Variants in CTNNA3 observed in about 807,000 individuals in gnomAD.
The protein encoded by CTNNA3 is catenin alpha 3.
In CTNNA3, 76 loss-of-function variants were observed where a neutral mutation model predicts 95.7. The ratio of observed to expected loss-of-function variants is 0.79; its 90% CI spans 0.66 to 0.96. CTNNA3 has a LOEUF of 0.96. Among genes scored for constraint, CTNNA3 ranks in the 40% least tolerant of loss-of-function variants. The pLI is 0.00. For missense variants in CTNNA3, 1,191 were observed against 1,089.8 expected, an observed-to-expected ratio of 1.09 and a Z score of -1.31; for synonymous variants, 431 against 374.4, an observed-to-expected ratio of 1.15 and a Z score of -1.74.
chr10:66,572,463 CTA>C (rs1183445441), intron 10 of CTNNA3, among the ~76,000 whole-genome samples: 1 of 151,492 alleles, frequency 6.6e-6, no homozygotes, highest in East Asian at 1.9e-4. Context: ...AACTATATGT[CTA>C]TCTCTACATC....
chr10:66,676,467 C>T (rs895600605), intron 9 of CTNNA3, among the ~76,000 whole-genome samples: 1 of 152,016 alleles, frequency 6.6e-6, no homozygotes, highest in African/African-American at 2.4e-5. Context: ...GGGAAAGCAT[C>T]AATCACGCAT....
intron 5 of CTNNA3, among the ~76,000 whole-genome samples, chr10:67,448,591 G>A (rs575020121): frequency 3.3e-5 from 5 of 151,654 alleles, no homozygotes; most frequent in South Asian, 2.1e-4. Context: ...TTTAATAAAC[G>A]CTTTTGGGAT....
intron 5 of CTNNA3, among the ~76,000 whole-genome samples, chr10:67,249,228 T>C (rs549167933): frequency 4.6e-5 from 7 of 152,182 alleles, no homozygotes; most frequent in African/African-American, 1.4e-4. Flanking sequence ...TAAAGAGCTA[T>C]AAAAACTCAA....
At chr10:67,475,292 A>C (rs545675513) in intron 5 of CTNNA3, among the ~76,000 whole-genome samples, 1 of 152,348 alleles carries the variant, frequency 6.6e-6, no homozygotes, top group Non-Finnish European at 1.5e-5. Flanking sequence ...AAGGGACAGA[A>C]GTGAATTTTG....
intron 15 of CTNNA3, among the ~76,000 whole-genome samples, chr10:66,045,061 T>G (rs1326418705): frequency 6.6e-6 from 1 of 152,202 alleles, no homozygotes; most frequent in Non-Finnish European, 1.5e-5. Flanking sequence ...CTCTGGCATT[T>G]TCCACTATGC....
chr10:67,010,806 G>T (rs994415306), intron 7 of CTNNA3, among the ~76,000 whole-genome samples: 4 of 152,272 alleles, frequency 2.6e-5, no homozygotes, highest in Middle Eastern at 3.4e-3. Context: ...ATCCATATTT[G>T]TATGCCCAGT....
At chr10:67,742,983 CG>C (rs1841351190) in intron 1 of CTNNA3, among the ~76,000 whole-genome samples, 1 of 151,200 alleles carries the variant, frequency 6.6e-6, no homozygotes. Flanking sequence ...AGACCAATAA[CG>C]GGGTCTGAAA....
intron 5 of CTNNA3, among the ~76,000 whole-genome samples, chr10:67,313,823 AAAC>A (rs1207688954): frequency 3.3e-5 from 5 of 152,226 alleles, no homozygotes; most frequent in South Asian, 2.1e-4. Flanking sequence ...GGCTTTGCTT[AAAC>A]AACAAGGTCA....
chr10:66,379,302 G>A lies in CTNNA3; in HGVS notation c.1582C>T (p.Gln528Ter), dbSNP rs760926013. 1.9e-6 allele frequency: 3 copies of A among 1,614,040 alleles called. No homozygotes were observed. Among genetic ancestry groups the A allele is most frequent in the East Asian group, 2.2e-5 (1 of 44,854 alleles). Residue 528 changes from glutamine to a stop codon, truncating the protein, a stop_gained, in exon 12 of 18, where the codon CAG becomes TAG. Transcript: ENST00000433211. LOFTEE classifies it high-confidence loss of function. ...VNKCIIALRDQDADNLDRAAG... is the reference protein window; with the variant it reads ...VNKCIIALRD ...GCACGGTCTAAATTATCAGCATCCT[G>A]GTCTCTTAAGGCTATGATACACTTG...
intron 17 of CTNNA3, among the ~76,000 whole-genome samples, chr10:65,922,910 C>T (rs2077112819): frequency 6.6e-6 from 1 of 152,124 alleles, no homozygotes; most frequent in African/African-American, 2.4e-5. Flanking sequence ...GAAGCAGACA[C>T]ATCTTACATG....
intron 11 of CTNNA3, among the ~76,000 whole-genome samples, chr10:66,422,104 C>T (rs529804710): frequency 6.6e-6 from 1 of 151,722 alleles, no homozygotes; most frequent in Non-Finnish European, 1.5e-5. Flanking sequence ...TGATATTTCT[C>T]AACGGATCCT....
chr10:66,106,710 C>T (rs2081927499), intron 13 of CTNNA3, among the ~76,000 whole-genome samples: 1 of 152,072 alleles, frequency 6.6e-6, no homozygotes, highest in Non-Finnish European at 1.5e-5. Flanking sequence ...TACCTCATCC[C>T]AATATACACC....
chr10:67,304,861 GA>G (rs1840472596), intron 5 of CTNNA3, among the ~76,000 whole-genome samples: 1 of 152,004 alleles, frequency 6.6e-6, no homozygotes, highest in African/African-American at 2.4e-5. Context: ...CTTTCTGGAG[GA>G]GACATCCCAG....
intron 11 of CTNNA3, among the ~76,000 whole-genome samples, chr10:66,413,243 T>C (rs2093122229): frequency 6.6e-6 from 1 of 152,128 alleles, no homozygotes; most frequent in Non-Finnish European, 1.5e-5. Flanking sequence ...GTCAGCACTA[T>C]TGGCACCCCT....
chr10:66,290,755 T>C (rs551522157), intron 12 of CTNNA3, among the ~76,000 whole-genome samples: 2 of 152,254 alleles, frequency 1.3e-5, no homozygotes, highest in Admixed American at 1.3e-4. Context: ...AATGCATAAA[T>C]GAATAAATGA....
chr10:66,270,233 G>T (rs2091249710), intron 13 of CTNNA3, among the ~76,000 whole-genome samples: 1 of 151,100 alleles, frequency 6.6e-6, no homozygotes, highest in Middle Eastern at 3.4e-3. Flanking sequence ...TTGGGGGGGG[G>T]GGCAGGGTCT....
chr10:65,978,382 A>AGATTTTCTCCTAGTTTTACACCAGCC (rs1451239205), intron 16 of CTNNA3, among the ~76,000 whole-genome samples: 1 of 151,274 alleles, frequency 6.6e-6, no homozygotes, highest in Non-Finnish European at 1.5e-5. Flanking sequence ...GTTTCCTCTT[A>AGATTTTCTCCTAGTTTTACACCAGCC]GATTTTCTCC....
At chr10:66,367,717 G>A (rs1003916804) in intron 12 of CTNNA3, among the ~76,000 whole-genome samples, 1 of 148,548 alleles carries the variant, frequency 6.7e-6, no homozygotes, top group Non-Finnish European at 1.5e-5. Flanking sequence ...CATATAGTTA[G>A]ATTCATGATA....
chr10:67,532,014 C>T (rs1840344036), intron 4 of CTNNA3, among the ~76,000 whole-genome samples: 1 of 152,000 alleles, frequency 6.6e-6, no homozygotes. Context: ...GATTGTGAGG[C>T]CTCCCCTCAC....
Sources: allele counts gnomAD v4.1 joint callset (sites outside exome capture counted in the v4.1 genomes callset), GRCh38; gene constraint gnomAD v4.1.1; transcripts MANE v1.5; gene names NCBI Gene and HGNC (gene_info 2026-07-23, HGNC 2026-07-21).